SAMD12: variants seen among roughly 807,000 people sequenced by gnomAD.
SAMD12 encodes the protein sterile alpha motif domain-containing protein 12.
A neutral mutation model predicts 15.0 loss-of-function variants in SAMD12; 9 were observed. That is an observed-to-expected ratio of 0.60 (90% CI 0.36 to 1.05). The LOEUF is 1.05. Ranked by LOEUF, SAMD12 falls within the 50% of genes least tolerant of loss-of-function variation. SAMD12 has a pLI of 0.01. For synonymous variants in SAMD12, 86 were observed against 90.1 expected (o/e 0.96, Z 0.25); for missense variants, 230 against 234.2 (o/e 0.98, Z 0.12).
At chr8:118,557,592 G>A (rs185738285) in intron 2 of SAMD12, among the ~76,000 whole-genome samples, 230 of 152,302 alleles carry the variant, frequency 1.5e-3, no homozygotes, top group African/African-American at 5.4e-3. Flanking sequence ...ATTGTGACCT[G>A]AGTTCTAGTG....
chr8:118,416,977 G>C (rs1006020039), intron 3 of SAMD12, among the ~76,000 whole-genome samples: 1 of 151,926 alleles, frequency 6.6e-6, no homozygotes, highest in South Asian at 2.1e-4. Flanking sequence ...ACATCACCCC[G>C]GTTTTTAATT....
chr8:118,393,093 C>T (rs748911311), intron 3 of SAMD12, among the ~76,000 whole-genome samples: 9 of 152,206 alleles, frequency 5.9e-5, no homozygotes, highest in Non-Finnish European at 1.2e-4. Flanking sequence ...CTCTTTTCTA[C>T]CCACTGTCTC....
chr8:118,385,237 A>G (rs949373569), intron 3 of SAMD12, among the ~76,000 whole-genome samples: 6 of 152,136 alleles, frequency 3.9e-5, no homozygotes, highest in Non-Finnish European at 7.4e-5. Context: ...AAATTGGTGA[A>G]GTGGATAACA....
In SAMD12 at chr8:118,279,143, T is replaced by C. The variant is rs1306637188; in HGVS notation, c.434-81411A>G. 3.9e-5 allele frequency among the ~76,000 whole-genome samples: 6 copies of C among 152,294 alleles called. No homozygotes were observed. The South Asian group carries it at 1.0e-3, about 26-fold the overall frequency. On this transcript the variant is annotated intron_variant, in intron 4 of 4. Transcript: ENST00000409003. ...ATTGCACATCTGGGTCTGGGGCTGCTTCAGCCTCCGATGCAAAAACGAAGA... is the reference window on the plus strand; with the variant it reads ...ATTGCACATCTGGGTCTGGGGCTGCCTCAGCCTCCGATGCAAAAACGAAGA...
intron 3 of SAMD12, chr8:118,400,685 A>C (rs752928684): frequency 2.6e-5 from 4 of 152,206 alleles, no homozygotes; most frequent in Non-Finnish European, 5.9e-5. Flanking sequence ...TTGCATGCAG[A>C]GTAATGGAGC....
At chr8:118,303,710 G>A (rs553563207) in intron 4 of SAMD12, among the ~76,000 whole-genome samples, 5 of 151,668 alleles carry the variant, frequency 3.3e-5, no homozygotes, top group African/African-American at 9.7e-5. Flanking sequence ...TTAACATGGC[G>A]TTTTGTTTAC....
intron 4 of SAMD12, among the ~76,000 whole-genome samples, chr8:118,313,483 C>G (rs954775673): frequency 6.6e-6 from 1 of 152,076 alleles, no homozygotes; most frequent in African/African-American, 2.4e-5. Flanking sequence ...CAGGTACCTA[C>G]CTGCAGTGAC....
At chr8:118,288,806 A>T (rs1052238640) in intron 4 of SAMD12, among the ~76,000 whole-genome samples, 7 of 152,232 alleles carry the variant, frequency 4.6e-5, no homozygotes, top group Non-Finnish European at 1.0e-4. Flanking sequence ...TCTTTTAAAA[A>T]TTTTTTAGCC....
chr8:118,185,594 G>A (rs1038389510), downstream of SAMD12, among the ~76,000 whole-genome samples: 4 of 152,192 alleles, frequency 2.6e-5, no homozygotes, highest in African/African-American at 9.7e-5. Flanking sequence ...CTGAGGATAA[G>A]TTTGTACAAA....
intron 4 of SAMD12, among the ~76,000 whole-genome samples, chr8:118,278,064 C>A (rs1167909323): frequency 1.3e-5 from 2 of 152,204 alleles, no homozygotes; most frequent in African/African-American, 4.8e-5. Flanking sequence ...AGTGATAACA[C>A]AAATGCTTTC....
chr8:118,541,135 T>C (rs10090804), intron 2 of SAMD12, among the ~76,000 whole-genome samples: 64,289 of 152,034 alleles, frequency 0.42, 13,939 homozygotes, highest in Non-Finnish European at 0.48. Context: ...GTATACTATA[T>C]TGTGTGTTAT....
At chr8:118,599,491 G>A (rs141156233) in intron 1 of SAMD12, among the ~76,000 whole-genome samples, 5 of 152,264 alleles carry the variant, frequency 3.3e-5, no homozygotes, top group African/African-American at 7.2e-5. Context: ...GCCCAGGTGC[G>A]GAGCGCTGCT....
At chr8:118,605,874 A>G (rs868589781) in intron 1 of SAMD12, among the ~76,000 whole-genome samples, 14 of 143,146 alleles carry the variant, frequency 9.8e-5, no homozygotes, top group Middle Eastern at 3.6e-3. Context: ...ACAAGGGTTT[A>G]CTGGCTGAAG....
At chr8:118,138,970 C>A in the SAMD12 span, among the ~76,000 whole-genome samples, 1 of 152,180 alleles carries the variant, frequency 6.6e-6, no homozygotes, top group African/African-American at 2.4e-5. Flanking sequence ...CATTAGCGTA[C>A]AACTCATTGC....
chr8:118,274,225 A>T (rs1813425521), intron 4 of SAMD12, among the ~76,000 whole-genome samples: 1 of 152,162 alleles, frequency 6.6e-6, no homozygotes, highest in African/African-American at 2.4e-5. Flanking sequence ...ACACAGAAGA[A>T]TGTGAAGAAA....
chr8:118,246,092 T>C (rs935474658), intron 4 of SAMD12, among the ~76,000 whole-genome samples: 6 of 152,110 alleles, frequency 3.9e-5, no homozygotes, highest in Admixed American at 1.3e-4. Context: ...ACTATGTGGG[T>C]ATCAAACACT....
the SAMD12 span, among the ~76,000 whole-genome samples, chr8:118,164,223 T>C: frequency 6.4e-4 from 97 of 152,282 alleles, 3 homozygotes; most frequent in South Asian, 0.016. Context: ...CTTCCACATA[T>C]AATTATTATT....
chr8:118,479,448 C>T (rs973274390), intron 2 of SAMD12, among the ~76,000 whole-genome samples: 3 of 152,172 alleles, frequency 2.0e-5, no homozygotes, highest in African/African-American at 7.2e-5. Context: ...GAAGTGAAAG[C>T]GGAAACCCCT....
At chr8:118,534,671 T>G (rs1345584417) in intron 2 of SAMD12, among the ~76,000 whole-genome samples, 3 of 152,234 alleles carry the variant, frequency 2.0e-5, no homozygotes, top group African/African-American at 7.2e-5. Flanking sequence ...TAAATTTCTC[T>G]TTTTGCTTCA....
Sources: gnomAD v4.1 joint callset for allele counts (sites outside exome capture counted in the v4.1 genomes callset) on GRCh38, gnomAD v4.1.1 for gene constraint, MANE v1.5 for transcripts, NCBI Gene and HGNC (gene_info 2026-07-23, HGNC 2026-07-21) for gene names.